SVOP: variants seen among roughly 807,000 people sequenced by gnomAD.
SVOP encodes the protein SV2 related protein, also known as synaptic vesicle 2-related protein.
SVOP carries 17 observed loss-of-function variants against 69.1 expected under a neutral mutation model. The ratio of observed to expected loss-of-function variants is 0.25; its 90% CI spans 0.17 to 0.37. The LOEUF (loss-of-function observed/expected upper bound fraction) is 0.37, where lower values mean the gene tolerates loss of function less well. Among genes scored for constraint, SVOP ranks in the 10% least tolerant of loss-of-function variants. The probability of loss-of-function intolerance (pLI) is 1.00; values close to 1 mark genes in which losing one functional copy is unlikely to be tolerated. For missense variants in SVOP, 435 were observed against 597.5 expected (o/e 0.73, Z 2.84); for synonymous variants, 238 against 238.6 (o/e 1.00, Z 0.02).
intron 11 of SVOP, among the ~76,000 whole-genome samples, chr12:108,929,304 G>T (rs10861984): frequency 0.19 from 29,110 of 149,898 alleles, 4,083 homozygotes; most frequent in African/African-American, 0.36. Context: ...TATTTATTTA[G>T]TTAGTTAGTT....
At chr12:108,943,429 T>C (rs2039903997) in intron 7 of SVOP, among the ~76,000 whole-genome samples, 1 of 151,502 alleles carries the variant, frequency 6.6e-6, no homozygotes, top group Non-Finnish European at 1.5e-5. Context: ...AACTTGTCTC[T>C]ACTAAAAATA....
rs1593197888 is a variant in SVOP at position 108,978,746 on chromosome 12, C to T, written c.197-83G>A. ...GTGTGGGGTTTTCTGGGGTGGTCCCCAGCCAAGCTAATTAAACACAGCACA... is the reference window on the plus strand; with the variant it reads ...GTGTGGGGTTTTCTGGGGTGGTCCCTAGCCAAGCTAATTAAACACAGCACA... On this transcript the variant is annotated intron_variant, in intron 2 of 15. Coordinates refer to ENST00000610966, the MANE Select transcript of SVOP (RefSeq NM_018711.5). 4 of 664,836 alleles carry T rather than the reference C, an allele frequency of 6.0e-6. No individual in the cohort carries two copies. The East Asian group carries it at 1.1e-4, about 19-fold the overall frequency. The allele number at this position is 664,836 out of a possible 1,614,324, so 41.2% of individuals were successfully genotyped here. A position where few individuals can be genotyped will look rare whatever the true frequency, so the allele number is the denominator to read the frequency against.
chr12:108,986,867 A>C (rs1337935263), intron 1 of SVOP, among the ~76,000 whole-genome samples: 1 of 152,154 alleles, frequency 6.6e-6, no homozygotes, highest in Non-Finnish European at 1.5e-5. Context: ...ACTGGATAAG[A>C]CAAACACATA....
At chr12:108,919,575 A>C (rs2039736105) in intron 13 of SVOP, 100 bp downstream of exon 13, 2 of 884,646 alleles carry the variant, frequency 2.3e-6, no homozygotes, top group Non-Finnish European at 3.5e-6. Flanking sequence ...CTGGGCTTAC[A>C]TTAACACCTG....
chr12:108,980,706 C>T (rs1328094733), intron 2 of SVOP, among the ~76,000 whole-genome samples: 2 of 118,550 alleles, frequency 1.7e-5, no homozygotes, highest in Admixed American at 8.0e-5. Flanking sequence ...GCCGAGATTG[C>T]GCCACTGCAG....
intron 1 of SVOP, among the ~76,000 whole-genome samples, chr12:108,993,795 C>T (rs552150058): frequency 6.6e-6 from 1 of 152,132 alleles, no homozygotes; most frequent in Admixed American, 6.5e-5. Context: ...ACCCCAAAAT[C>T]AAAAACGTGA....
intron 5 of SVOP, among the ~76,000 whole-genome samples, chr12:108,968,777 T>C (rs933372965): frequency 2.6e-5 from 4 of 151,930 alleles, no homozygotes; most frequent in South Asian, 4.2e-4. Context: ...TTTGTGCATG[T>C]TTGTCTCAGG....
intron 8 of SVOP, 62 bp from the exon 9 acceptor site, chr12:108,939,017 T>G: frequency 5.0e-6 from 8 of 1,610,582 alleles, no homozygotes; most frequent in Non-Finnish European, 8.5e-7. Context: ...AGCACTCGCT[T>G]CTAGCCACAC....
chr12:108,962,670 C>A (rs2040024086), intron 5 of SVOP, among the ~76,000 whole-genome samples: 1 of 152,086 alleles, frequency 6.6e-6, no homozygotes, highest in Admixed American at 6.6e-5. Context: ...CACAATGCTT[C>A]AAGACAAACA....
chr12:108,963,595 C>G (rs1357557421), intron 5 of SVOP, among the ~76,000 whole-genome samples: 13 of 152,272 alleles, frequency 8.5e-5, no homozygotes, highest in Admixed American at 5.2e-4. Context: ...TCAAGCGATT[C>G]TCCTGCCTCA....
chr12:108,952,289 T>C (rs1315131784), intron 6 of SVOP, among the ~76,000 whole-genome samples: 4 of 141,808 alleles, frequency 2.8e-5, no homozygotes, highest in Non-Finnish European at 4.5e-5. Flanking sequence ...GGCTGGAGTG[T>C]AGTGGTACGA....
chr12:109,017,250 G>C (rs2040372323), intron 1 of SVOP, among the ~76,000 whole-genome samples: 1 of 152,046 alleles, frequency 6.6e-6, no homozygotes. Flanking sequence ...GAACCCTATT[G>C]TGAACTGACA....
At chr12:108,970,920 A>C (rs2040075152) in intron 5 of SVOP, among the ~76,000 whole-genome samples, 1 of 152,108 alleles carries the variant, frequency 6.6e-6, no homozygotes, top group African/African-American at 2.4e-5. Flanking sequence ...TGGGAGGCTC[A>C]GGTGGGAGGA....
chr12:108,993,319 T>C (rs1336710946), intron 1 of SVOP, among the ~76,000 whole-genome samples: 1 of 151,690 alleles, frequency 6.6e-6, no homozygotes, highest in Non-Finnish European at 1.5e-5. Context: ...CAAGACCCCA[T>C]TTCTAAGGGG....
chr12:108,907,889 A>C lies in SVOP; in HGVS notation c.*4646T>G, dbSNP rs2039658492. On this transcript the variant is annotated 3_prime_UTR_variant, in exon 16 of 16. Transcript: ENST00000610966. ...GAGAGTTCTGATGAATAGACTTGAGAGTTTATGCACATGTCACTGCAGATT... is the reference window on the plus strand; with the variant it reads ...GAGAGTTCTGATGAATAGACTTGAGCGTTTATGCACATGTCACTGCAGATT... 1.3e-5 allele frequency: 2 copies of C among 152,274 alleles called. No homozygotes were observed. The highest frequency in any genetic ancestry group is 2.4e-5 in the African/African-American group (1 of 41,462). The allele number at this position is 152,274 out of a possible 1,614,324, so 9.4% of individuals were successfully genotyped here.
At chr12:108,914,736 T>C (rs1025926979) in intron 15 of SVOP, among the ~76,000 whole-genome samples, 2 of 151,882 alleles carry the variant, frequency 1.3e-5, no homozygotes, top group Non-Finnish European at 2.9e-5. Context: ...TTTGTATTTT[T>C]AGTAGAGATG....
At chr12:108,988,770 C>CTTTTTTTTTTTTTTTT (rs758822738) in intron 1 of SVOP, among the ~76,000 whole-genome samples, 2 of 92,182 alleles carry the variant, frequency 2.2e-5, no homozygotes, top group Non-Finnish European at 4.1e-5. Flanking sequence ...TCTTTTCTCT[C>CTTTTTTTTTTTTTTTT]TTTTTTTTTT....
At chr12:108,986,365 A>G (rs1405195398) in intron 1 of SVOP, among the ~76,000 whole-genome samples, 2 of 152,306 alleles carry the variant, frequency 1.3e-5, no homozygotes, top group East Asian at 3.9e-4. Flanking sequence ...TGAGAGGGTA[A>G]CACCTCTTCA....
rs544178857 is a variant in SVOP at position 108,921,638 on chromosome 12, T to C, written c.1156+1052A>G. 2.0e-5 allele frequency among the ~76,000 whole-genome samples: 3 copies of C among 152,236 alleles called. No homozygotes were observed. The East Asian group carries it at 5.8e-4, about 29-fold the overall frequency. ...TTGTCCACCAAATCCCACAGTATTG[T>C]TTAAAGGCTGCTCCCAGGTGCTAAC... is the stretch of plus-strand genomic sequence containing the variant. On this transcript the variant is annotated intron_variant, in intron 12 of 15. Coordinates refer to ENST00000610966, the MANE Select transcript of SVOP (RefSeq NM_018711.5).
Sources: gnomAD v4.1 joint callset for allele counts (sites outside exome capture counted in the v4.1 genomes callset) on GRCh38, gnomAD v4.1.1 for gene constraint, MANE v1.5 for transcripts, NCBI Gene and HGNC (gene_info 2026-07-23, HGNC 2026-07-21) for gene names.